The following RANBP2 variants were observed in gnomAD, a reference collection of about 807,000 sequenced individuals.
RANBP2 encodes the protein E3 SUMO-protein ligase RanBP2.
A neutral mutation model predicts 303.6 loss-of-function variants in RANBP2; 57 were observed. The ratio of observed to expected loss-of-function variants is 0.19; its 90% CI spans 0.15 to 0.23. The LOEUF (loss-of-function observed/expected upper bound fraction) is 0.23. RANBP2 is among the 10% of genes least tolerant of loss of function. The pLI is 1.00. For synonymous variants in RANBP2, 1,167 were observed against 1,301.5 expected (o/e 0.90, Z 2.23); for missense variants, 3,138 against 3,780.8 (o/e 0.83, Z 4.46).
At chr2:109,004,089 TG>T in the RANBP2 span, among the ~76,000 whole-genome samples, 2 of 152,252 alleles carry the variant, frequency 1.3e-5, no homozygotes, top group African/African-American at 4.8e-5. Context: ...CTGAAAAGAA[TG>T]TTGACATGTG....
the RANBP2 span, chr2:108,894,957 T>C: frequency 1.3e-5 from 2 of 152,260 alleles, no homozygotes; most frequent in Non-Finnish European, 2.9e-5. Context: ...TGCAAGCTGT[T>C]ATCCTGGAAT....
chr2:109,135,433 T>C, the RANBP2 span, among the ~76,000 whole-genome samples: 2 of 152,202 alleles, frequency 1.3e-5, no homozygotes, highest in Non-Finnish European at 2.9e-5. Flanking sequence ...AGACTTGTTA[T>C]CAGTGAATTA....
downstream of RANBP2, among the ~76,000 whole-genome samples, chr2:108,786,071 G>A (rs565015275): frequency 2.6e-5 from 4 of 151,946 alleles, no homozygotes; most frequent in South Asian, 6.2e-4. Flanking sequence ...TCAGGTTGAT[G>A]TATACTATGT....
the RANBP2 span, among the ~76,000 whole-genome samples, chr2:109,258,604 G>T: frequency 4.6e-5 from 7 of 152,186 alleles, no homozygotes; most frequent in African/African-American, 1.7e-4. Context: ...CCCCAGGCCG[G>T]GCCACAGCTG....
Position 108,775,891 on chromosome 2 carries a change from G to T in RANBP2, c.8452G>T (p.Asp2818Tyr), listed in dbSNP as rs149764141. The stretch of plus-strand genomic sequence containing the variant: ...CTCTGAAACTATGGACAAACCTGTA[G>T]ATTTGTCAACTAGAAAGGAAATTGA... ...VSSETMDKPV[D>Y]LSTRKEIDTD... Residue 2818 changes from aspartate to tyrosine, a missense_variant, in exon 24 of 29, where the codon GAT (aspartate) becomes TAT (tyrosine). Asp to Tyr is a radical substitution (Grantham distance 160). Coordinates refer to ENST00000283195, the MANE Select transcript of RANBP2 (RefSeq NM_006267.5). 2 of 1,612,680 alleles carry T rather than the reference G, an allele frequency of 1.2e-6. No individual in the cohort carries two copies. Among genetic ancestry groups the T allele is most frequent in the Non-Finnish European group, 1.7e-6 (2 of 1,179,872 alleles).
the RANBP2 span, among the ~76,000 whole-genome samples, chr2:109,047,930 T>C: frequency 2.1e-4 from 32 of 152,240 alleles, no homozygotes; most frequent in Non-Finnish European, 3.7e-4. Flanking sequence ...GCTGTTCCCT[T>C]GCAAGCAAAC....
the RANBP2 span, among the ~76,000 whole-genome samples, chr2:108,866,698 G>A: frequency 6.6e-6 from 1 of 152,058 alleles, no homozygotes; most frequent in East Asian, 1.9e-4. Flanking sequence ...GCCTAGCCAA[G>A]ATAGTGAAAC....
At chr2:109,201,013 A>C in the RANBP2 span, among the ~76,000 whole-genome samples, 9 of 152,154 alleles carry the variant, frequency 5.9e-5, no homozygotes, top group Non-Finnish European at 8.8e-5. Flanking sequence ...GCAGCAGCTA[A>C]GTGGCTGTGG....
the RANBP2 span, chr2:109,585,743 G>A: frequency 5.6e-6 from 9 of 1,613,044 alleles, no homozygotes; most frequent in Non-Finnish European, 7.6e-6. Flanking sequence ...TATTAAAGCA[G>A]AAACCTTGCT....
the RANBP2 span, among the ~76,000 whole-genome samples, chr2:108,980,651 G>A: frequency 6.6e-6 from 1 of 152,082 alleles, no homozygotes; most frequent in Non-Finnish European, 1.5e-5. Context: ...GGCCAGGGAG[G>A]GTTTCTCTGA....
the RANBP2 span, among the ~76,000 whole-genome samples, chr2:109,099,724 C>G: frequency 6.6e-6 from 1 of 152,150 alleles, no homozygotes; most frequent in Non-Finnish European, 1.5e-5. Flanking sequence ...TCCTATATCC[C>G]TAGCGGAGCC....
the RANBP2 span, among the ~76,000 whole-genome samples, chr2:109,488,118 C>G: frequency 6.6e-6 from 1 of 152,202 alleles, no homozygotes; most frequent in Non-Finnish European, 1.5e-5. Context: ...AGAGTGGGCT[C>G]CGCCGGGACA....
the RANBP2 span, among the ~76,000 whole-genome samples, chr2:109,541,630 C>T: frequency 9.5e-3 from 1,451 of 152,302 alleles, 66 homozygotes; most frequent in East Asian, 0.13. Flanking sequence ...TACCGGAGCC[C>T]CACTCCTTGC....
At chr2:109,070,305 A>G in the RANBP2 span, among the ~76,000 whole-genome samples, 8 of 152,250 alleles carry the variant, frequency 5.3e-5, no homozygotes, top group Non-Finnish European at 7.3e-5. Context: ...AAATATTTTA[A>G]GTAGAGAAAT....
the RANBP2 span, chr2:108,906,478 C>T: frequency 1.2e-4 from 132 of 1,105,024 alleles, no homozygotes; most frequent in South Asian, 7.4e-4. Context: ...ACACCAGAGA[C>T]GCTGCACACA....
Position 108,783,767 on chromosome 2 carries a change from C to T in RANBP2, c.9541C>T (p.His3181Tyr). ...QFVITLKKAEHLDFKHVVFGF... is the reference protein window; with the variant it reads ...QFVITLKKAEYLDFKHVVFGF... Reference sequence around the variant, plus strand: ...TGTTATAACACTGAAGAAAGCAGAACATTTGGACTTTAAGCATGTAGTATT... The same window carrying T: ...TGTTATAACACTGAAGAAAGCAGAATATTTGGACTTTAAGCATGTAGTATT... Residue 3181 changes from histidine (H) to tyrosine (Y), a missense_variant, in exon 29 of 29, where the codon CAT becomes TAT. Coordinates refer to ENST00000283195, the MANE Select transcript of RANBP2 (RefSeq NM_006267.5). The T allele has an allele frequency of 6.2e-7, 1 of 1,612,852 alleles. No individual in the cohort carries two copies. Among genetic ancestry groups the T allele is most frequent in the Non-Finnish European group, 8.5e-7 (1 of 1,178,952 alleles).
the RANBP2 span, among the ~76,000 whole-genome samples, chr2:108,958,218 C>T: frequency 6.6e-6 from 1 of 152,148 alleles, no homozygotes; most frequent in Non-Finnish European, 1.5e-5. Context: ...TGCACCCTGG[C>T]TGTTTGAAGA....
chr2:109,285,094 C>T, the RANBP2 span, among the ~76,000 whole-genome samples: 1 of 152,234 alleles, frequency 6.6e-6, no homozygotes, highest in Non-Finnish European at 1.5e-5. Flanking sequence ...GCAGCTGTCA[C>T]CCCTTAGCCC....
At chr2:109,364,582 T>C in the RANBP2 span, among the ~76,000 whole-genome samples, 57 of 152,362 alleles carry the variant, frequency 3.7e-4, no homozygotes, top group African/African-American at 1.3e-3. Flanking sequence ...AAAGAACTGC[T>C]GTAAATAGGC....
Sources: allele counts gnomAD v4.1 joint callset (sites outside exome capture counted in the v4.1 genomes callset), GRCh38; gene constraint gnomAD v4.1.1; transcripts MANE v1.5; gene names NCBI Gene and HGNC (gene_info 2026-07-23, HGNC 2026-07-21).